ZBTB38: variants seen among roughly 807,000 people sequenced by gnomAD.
The protein encoded by ZBTB38 is zinc finger and BTB domain containing 38, also known as zinc finger and BTB domain-containing protein 38.
Under a neutral mutation model 76.8 loss-of-function variants are expected in ZBTB38, and 20 were observed. The ratio of observed to expected loss-of-function variants is 0.26; its 90% CI spans 0.18 to 0.38. The LOEUF (loss-of-function observed/expected upper bound fraction) is 0.38, where lower values mean the gene tolerates loss of function less well. Among genes scored for constraint, ZBTB38 ranks in the 10% least tolerant of loss-of-function variants. The pLI is 1.00. For synonymous variants in ZBTB38, 504 were observed against 544.2 expected (o/e 0.93, Z 1.03); for missense variants, 1,082 against 1,482.3 (o/e 0.73, Z 4.43).
At chr3:141,410,749 A>G (rs920785235) in intron 5 of ZBTB38, among the ~76,000 whole-genome samples, 5 of 152,228 alleles carry the variant, frequency 3.3e-5, no homozygotes, top group Admixed American at 2.6e-4. Flanking sequence ...TCCATCTTAC[A>G]AAAGCATTTC....
At chr3:141,416,906 T>C (rs2074182085) in intron 5 of ZBTB38, among the ~76,000 whole-genome samples, 1 of 152,208 alleles carries the variant, frequency 6.6e-6, no homozygotes, top group Non-Finnish European at 1.5e-5. Context: ...CCCTGCTGAC[T>C]CCTTGATTTT....
chr3:141,406,634 G>A (rs1228598451), intron 5 of ZBTB38, among the ~76,000 whole-genome samples: 1 of 152,134 alleles, frequency 6.6e-6, no homozygotes, highest in Non-Finnish European at 1.5e-5. Context: ...GTCAAGAGAT[G>A]GGAAAAGAGA....
intron 5 of ZBTB38, among the ~76,000 whole-genome samples, chr3:141,437,973 G>A (rs769807343): frequency 3.3e-5 from 5 of 151,728 alleles, no homozygotes; most frequent in African/African-American, 4.8e-5. Context: ...GTGCAGTGGC[G>A]CAATCTTGGC....
At chr3:141,407,548 TTTTTAA>T (rs1954987652) in intron 5 of ZBTB38, among the ~76,000 whole-genome samples, 1 of 152,276 alleles carries the variant, frequency 6.6e-6, no homozygotes, top group African/African-American at 2.4e-5. Flanking sequence ...CTCATTTTAA[TTTTTAA>T]TTTTATCACA....
intron 5 of ZBTB38, among the ~76,000 whole-genome samples, chr3:141,404,433 C>G (rs1953605561): frequency 6.6e-6 from 1 of 152,150 alleles, no homozygotes; most frequent in Non-Finnish European, 1.5e-5. Flanking sequence ...GTTGCTCAGT[C>G]ACATAGCCAG....
At chr3:141,371,007 A>G (rs1055457314) in intron 2 of ZBTB38, among the ~76,000 whole-genome samples, 8 of 146,790 alleles carry the variant, frequency 5.4e-5, no homozygotes, top group Non-Finnish European at 1.0e-4. Context: ...CCTTTAAACC[A>G]AGTTATTAAA....
intron 5 of ZBTB38, among the ~76,000 whole-genome samples, chr3:141,419,193 GT>G (rs2074787541): frequency 6.6e-6 from 1 of 152,168 alleles, no homozygotes. Context: ...AAAGGGGGAA[GT>G]GCCACATACT....
chr3:141,352,026 C>T (rs1943532501), intron 1 of ZBTB38, among the ~76,000 whole-genome samples: 1 of 152,044 alleles, frequency 6.6e-6, no homozygotes, highest in Non-Finnish European at 1.5e-5. Flanking sequence ...GTACTTGAGA[C>T]CTACCAAGAA....
chr3:141,345,555 T>G (rs1211717023), intron 1 of ZBTB38, among the ~76,000 whole-genome samples: 1 of 152,190 alleles, frequency 6.6e-6, no homozygotes, highest in Non-Finnish European at 1.5e-5. Context: ...CTAATTCAAC[T>G]TTGACCCTAT....
intron 1 of ZBTB38, among the ~76,000 whole-genome samples, chr3:141,337,185 C>T (rs1451648307): frequency 1.3e-5 from 2 of 152,130 alleles, no homozygotes; most frequent in Non-Finnish European, 1.5e-5. Flanking sequence ...ACAAGTATAA[C>T]GGAGTGTTGT....
intron 1 of ZBTB38, among the ~76,000 whole-genome samples, chr3:141,357,983 A>G (rs16851367): frequency 0.026 from 4,006 of 152,310 alleles, 182 homozygotes; most frequent in East Asian, 0.11. Context: ...GATGTTTCCC[A>G]ATAAAGATCA....
Position 141,434,559 on chromosome 3 carries a change from A to G in ZBTB38, c.1-7830A>G, listed in dbSNP as rs114723149. 6.4e-3 allele frequency among the ~76,000 whole-genome samples: 979 copies of G among 152,302 alleles called. 13 individuals carry two copies. The highest frequency in any genetic ancestry group is 0.022 in the African/African-American group (916 of 41,562). On this transcript the variant is annotated intron_variant, in intron 5 of 5. Transcript: ENST00000321464. ...AGGAAATTCTAAAAAGCAAGTGAAGAAAGTTCATTTCAGTCATCAAAAGTA... is the reference window on the plus strand; with the variant it reads ...AGGAAATTCTAAAAAGCAAGTGAAGGAAGTTCATTTCAGTCATCAAAAGTA...
At chr3:141,368,436 G>C (rs911800097), upstream of ZBTB38, 2 of 151,796 alleles carry the variant, frequency 1.3e-5, no homozygotes, top group Non-Finnish European at 2.9e-5. Flanking sequence ...GGCTGCTGGC[G>C]ATGACTCAGG....
chr3:141,404,489 A>G (rs371217366), intron 5 of ZBTB38, among the ~76,000 whole-genome samples: 6 of 152,150 alleles, frequency 3.9e-5, no homozygotes, highest in African/African-American at 1.4e-4. Flanking sequence ...CACCGAGTAT[A>G]CAAATGTGAA....
chr3:141,364,340 G>C (rs1943897967), upstream of ZBTB38, among the ~76,000 whole-genome samples: 1 of 151,278 alleles, frequency 6.6e-6, no homozygotes, highest in Non-Finnish European at 1.5e-5. Flanking sequence ...TCTGATAAGG[G>C]ACTTGTGTCT....
At chr3:141,325,676 A>G (rs1942651823) in intron 1 of ZBTB38, among the ~76,000 whole-genome samples, 1 of 152,250 alleles carries the variant, frequency 6.6e-6, no homozygotes, top group South Asian at 2.1e-4. Flanking sequence ...CAGCTTTGCA[A>G]AGATTGCATT....
intron 1 of ZBTB38, among the ~76,000 whole-genome samples, chr3:141,331,446 G>T (rs552804016): frequency 6.6e-6 from 1 of 152,172 alleles, no homozygotes; most frequent in Non-Finnish European, 1.5e-5. Context: ...TTACACTGTC[G>T]TCCCCATGGA....
intron 5 of ZBTB38, chr3:141,427,658 G>A (rs2150366972): frequency 6.6e-6 from 1 of 152,552 alleles, no homozygotes; most frequent in East Asian, 1.9e-4. Flanking sequence ...CATCATGGAG[G>A]AGGTTCACAC....
At chr3:141,436,997 G>A (rs966128031) in intron 5 of ZBTB38, among the ~76,000 whole-genome samples, 11 of 152,142 alleles carry the variant, frequency 7.2e-5, no homozygotes, top group Admixed American at 2.0e-4. Context: ...GCTTTTAGCC[G>A]TAGCACTTTC....
Sources: gnomAD v4.1 joint callset for allele counts (sites outside exome capture counted in the v4.1 genomes callset) on GRCh38, gnomAD v4.1.1 for gene constraint, MANE v1.5 for transcripts, NCBI Gene and HGNC (gene_info 2026-07-23, HGNC 2026-07-21) for gene names.